DACH1: variants seen among roughly 807,000 people sequenced by gnomAD.
DACH1 encodes the protein dachshund homolog 1.
A neutral mutation model predicts 54.2 loss-of-function variants in DACH1; 12 were observed. The observed-to-expected ratio is 0.22, with a 90% CI of 0.14 to 0.36. DACH1 has a LOEUF of 0.36. Among genes scored for constraint, DACH1 ranks in the 10% least tolerant of loss-of-function variants. DACH1 has a pLI of 1.00. For synonymous variants in DACH1, 386 were observed against 366.2 expected (o/e 1.05, Z -0.62); for missense variants, 805 against 929.8 (o/e 0.87, Z 1.75).
At chr13:71,511,604 A>G (rs961752715) in intron 6 of DACH1, among the ~76,000 whole-genome samples, 1 of 152,012 alleles carries the variant, frequency 6.6e-6, no homozygotes, top group Non-Finnish European at 1.5e-5. Flanking sequence ...TAAAAAGAGA[A>G]AAACTCAATT....
At chr13:71,668,147 G>C (rs1055335053) in intron 2 of DACH1, among the ~76,000 whole-genome samples, 1 of 151,746 alleles carries the variant, frequency 6.6e-6, no homozygotes, top group Non-Finnish European at 1.5e-5. Flanking sequence ...CTTTACTTTG[G>C]GAACTAAACA....
intron 1 of DACH1, among the ~76,000 whole-genome samples, chr13:71,727,010 T>C (rs1290771740): frequency 6.6e-6 from 1 of 152,078 alleles, no homozygotes; most frequent in Non-Finnish European, 1.5e-5. Flanking sequence ...AATGAAACAA[T>C]GCTTATTATT....
In DACH1 at chr13:71,489,219, T is replaced by G. The variant is rs969613101; in HGVS notation, c.1571-71A>C. The G allele has an allele frequency of 3.3e-6, 5 of 1,510,864 alleles. No individual in the cohort carries two copies. In the African/African-American group the frequency reaches 4.2e-5, roughly 13 times the overall value. The allele number at this position is 1,510,864 out of a possible 1,614,324, so 93.6% of individuals were successfully genotyped here. A position where few individuals can be genotyped will look rare whatever the true frequency, so the allele number is the denominator to read the frequency against. The stretch of plus-strand genomic sequence containing the variant: ...GTTTTTATTAGACCTCAGTAATGGC[T>G]TCCCTAGTGGTTTCCAGAACATTTA... On this transcript the variant is annotated intron_variant, in intron 6 of 10. Coordinates refer to ENST00000613252, the MANE Select transcript of DACH1 (RefSeq NM_080759.6).
chr13:71,738,585 G>A (rs922717674), intron 1 of DACH1, among the ~76,000 whole-genome samples: 1 of 151,020 alleles, frequency 6.6e-6, no homozygotes, highest in African/African-American at 2.4e-5. Context: ...ATAACAAATT[G>A]GCCAGGCATG....
chr13:71,651,792 T>A (rs560489350), intron 2 of DACH1, among the ~76,000 whole-genome samples: 1 of 152,202 alleles, frequency 6.6e-6, no homozygotes, highest in Non-Finnish European at 1.5e-5. Context: ...ATTATGAAAC[T>A]ATTTGGAATA....
intron 10 of DACH1, among the ~76,000 whole-genome samples, chr13:71,452,665 T>C (rs1198171135): frequency 6.6e-6 from 1 of 152,202 alleles, no homozygotes; most frequent in African/African-American, 2.4e-5. Context: ...AAATGGTTCA[T>C]GATTTTCTTA....
intron 2 of DACH1, among the ~76,000 whole-genome samples, chr13:71,639,134 T>C (rs1042477949): frequency 1.3e-5 from 2 of 152,160 alleles, no homozygotes; most frequent in African/African-American, 4.8e-5. Context: ...TTCACCCTGT[T>C]TTCCTCCTAT....
intron 1 of DACH1, among the ~76,000 whole-genome samples, chr13:71,862,987 T>C (rs923005739): frequency 1.3e-5 from 2 of 152,052 alleles, no homozygotes; most frequent in Non-Finnish European, 2.9e-5. Flanking sequence ...TCTTATACTC[T>C]ACATAAATTA....
intron 2 of DACH1, among the ~76,000 whole-genome samples, chr13:71,655,653 G>C (rs539087519): frequency 6.6e-6 from 1 of 152,012 alleles, no homozygotes; most frequent in Admixed American, 6.6e-5. Flanking sequence ...TTACAGACGT[G>C]AGCCACTGAG....
intron 3 of DACH1, among the ~76,000 whole-genome samples, chr13:71,573,251 A>G (rs1885325601): frequency 6.6e-6 from 1 of 152,148 alleles, no homozygotes; most frequent in Non-Finnish European, 1.5e-5. Flanking sequence ...TTGCTATATT[A>G]TTCCTATAAT....
chr13:71,497,911 G>GAC (rs774606845), intron 6 of DACH1, among the ~76,000 whole-genome samples: 1,555 of 146,640 alleles, frequency 0.011, 34 homozygotes, highest in Admixed American at 0.045. Context: ...CAGATACACA[G>GAC]ACACACACAC....
At chr13:71,779,188 CGTATATACGTATATATGTGTATATATAT>C (rs1886221011) in intron 1 of DACH1, among the ~76,000 whole-genome samples, 2 of 124,194 alleles carry the variant, frequency 1.6e-5, no homozygotes, top group Admixed American at 7.9e-5. Context: ...CACATATATA[CGTATATACGTATATATGTGTATATATAT>C]ACGTATATAC....
intron 3 of DACH1, among the ~76,000 whole-genome samples, chr13:71,622,300 C>T (rs778303366): frequency 6.6e-6 from 1 of 151,874 alleles, no homozygotes; most frequent in Non-Finnish European, 1.5e-5. Flanking sequence ...TGTGTGCACA[C>T]ATTCAAAACA....
intron 9 of DACH1, 85 bp from the exon 10 acceptor site, chr13:71,475,294 G>A (rs1405554578): frequency 2.2e-5 from 24 of 1,103,710 alleles, no homozygotes; most frequent in Non-Finnish European, 3.1e-5. Context: ...TGTTACTTTG[G>A]TGCTGAATTA....
intron 2 of DACH1, among the ~76,000 whole-genome samples, chr13:71,674,032 G>A (rs959079876): frequency 2.6e-5 from 4 of 152,208 alleles, no homozygotes; most frequent in Admixed American, 6.5e-5. Context: ...GTAATTGTAA[G>A]GCATAATAAT....
At chr13:71,553,050 T>A (rs1175494580) in intron 6 of DACH1, among the ~76,000 whole-genome samples, 2 of 147,154 alleles carry the variant, frequency 1.4e-5, no homozygotes, top group African/African-American at 5.0e-5. Context: ...GGCGTGGTGG[T>A]GGGTGCTGTA....
intron 1 of DACH1, among the ~76,000 whole-genome samples, chr13:71,781,498 C>T (rs1359167869): frequency 6.6e-6 from 1 of 151,844 alleles, no homozygotes; most frequent in South Asian, 2.1e-4. Flanking sequence ...CCTGCCTCAG[C>T]CTCCCAAGTA....
At chr13:71,803,064 A>T (rs1887351868) in intron 1 of DACH1, among the ~76,000 whole-genome samples, 1 of 152,182 alleles carries the variant, frequency 6.6e-6, no homozygotes, top group South Asian at 2.1e-4. Flanking sequence ...AAGTGTATGA[A>T]CATATTAAGG....
At chr13:71,630,503 T>C in intron 3 of DACH1, 53 bp downstream of exon 3, 1 of 1,501,814 alleles carries the variant, frequency 6.7e-7, no homozygotes, top group Non-Finnish European at 8.8e-7. Context: ...AAGCATTTAC[T>C]GTAATTCAGT....
Sources: allele counts gnomAD v4.1 joint callset (sites outside exome capture counted in the v4.1 genomes callset), GRCh38; gene constraint gnomAD v4.1.1; transcripts MANE v1.5; gene names NCBI Gene and HGNC (gene_info 2026-07-23, HGNC 2026-07-21).